The following DDAH1 variants were observed in gnomAD, a reference collection of about 807,000 sequenced individuals.
The protein encoded by DDAH1 is N(G),N(G)-dimethylarginine dimethylaminohydrolase 1.
Under a neutral mutation model 28.8 loss-of-function variants are expected in DDAH1, and 19 were observed. The observed-to-expected ratio is 0.66, with a 90% CI of 0.46 to 0.97. DDAH1 has a LOEUF of 0.97. Among genes scored for constraint, DDAH1 ranks in the 50% least tolerant of loss-of-function variants. DDAH1 has a pLI of 0.00. For synonymous variants in DDAH1, 153 were observed against 154.4 expected (o/e 0.99, Z 0.07); for missense variants, 326 against 375.9 (o/e 0.87, Z 1.10).
intron 1 of DDAH1, among the ~76,000 whole-genome samples, chr1:85,445,466 C>T (rs903612856): frequency 5.9e-5 from 9 of 152,082 alleles, no homozygotes; most frequent in East Asian, 1.9e-4. Context: ...TGAATCTGCA[C>T]GCCAGACTAT....
chr1:85,390,172 T>A (rs11161607), intron 1 of DDAH1, among the ~76,000 whole-genome samples: 1 of 152,018 alleles, frequency 6.6e-6, no homozygotes. Context: ...TCCCACCTCT[T>A]CTCTACCTTA....
At chr1:85,465,626 A>G (rs144701484), upstream of DDAH1, among the ~76,000 whole-genome samples, 51 of 152,296 alleles carry the variant, frequency 3.3e-4, no homozygotes, top group African/African-American at 1.2e-3. Flanking sequence ...CACGGGTCCC[A>G]GTTCTGTTTT....
At chr1:85,354,257 T>C (rs983910689) in intron 2 of DDAH1, among the ~76,000 whole-genome samples, 1 of 152,184 alleles carries the variant, frequency 6.6e-6, no homozygotes, top group African/African-American at 2.4e-5. Flanking sequence ...CTTCCTCTTA[T>C]AACTTAACAT....
chr1:85,524,249 G>C (rs1657785312), intron 1 of DDAH1, among the ~76,000 whole-genome samples: 2 of 147,972 alleles, frequency 1.4e-5, no homozygotes, highest in Admixed American at 1.4e-4. Context: ...CTTTACACAG[G>C]CTCCATGCTA....
chr1:85,346,641 G>A (rs574533523), intron 4 of DDAH1, among the ~76,000 whole-genome samples: 25 of 152,042 alleles, frequency 1.6e-4, no homozygotes, highest in Non-Finnish European at 3.5e-4. Context: ...GAAAAACAAA[G>A]CCAATACCAC....
At chr1:85,426,923 A>AAAG (rs1181194116) in intron 1 of DDAH1, among the ~76,000 whole-genome samples, 1 of 143,210 alleles carries the variant, frequency 7.0e-6, no homozygotes, top group Non-Finnish European at 1.5e-5. Context: ...AAAAAAAACA[A>AAAG]AAAAAAAAAA....
intron 1 of DDAH1, among the ~76,000 whole-genome samples, chr1:85,441,569 T>G (rs958344559): frequency 6.6e-6 from 1 of 151,752 alleles, no homozygotes; most frequent in African/African-American, 2.4e-5. Flanking sequence ...TGTTCAGGGA[T>G]AGAAAGTGGC....
chr1:85,512,565 T>C (rs2100752256), intron 1 of DDAH1, among the ~76,000 whole-genome samples: 1 of 152,356 alleles, frequency 6.6e-6, no homozygotes, highest in Non-Finnish European at 1.5e-5. Flanking sequence ...AAATTGTTCC[T>C]GTTTGCAGAG....
intron 1 of DDAH1, among the ~76,000 whole-genome samples, chr1:85,450,244 T>C (rs1288105397): frequency 1.3e-5 from 2 of 152,246 alleles, no homozygotes; most frequent in South Asian, 2.1e-4. Context: ...TTACTTTATG[T>C]TTTGCATGTA....
chr1:85,466,698 G>A (rs1031103537), upstream of DDAH1, among the ~76,000 whole-genome samples: 8 of 152,098 alleles, frequency 5.3e-5, no homozygotes, highest in African/African-American at 9.7e-5. Flanking sequence ...CCAGTTTAGC[G>A]TCAGAAATCA....
chr1:85,491,032 C>A (rs1182019982), intron 2 of DDAH1, among the ~76,000 whole-genome samples: 1 of 146,346 alleles, frequency 6.8e-6, no homozygotes, highest in South Asian at 2.2e-4. Context: ...CTAATGACAA[C>A]AGTAACATGT....
intron 1 of DDAH1, among the ~76,000 whole-genome samples, chr1:85,461,277 C>G (rs1281424131): frequency 6.6e-6 from 1 of 152,178 alleles, no homozygotes; most frequent in East Asian, 1.9e-4. Flanking sequence ...ACATTATTTA[C>G]TGACTTTCTG....
chr1:85,358,665 A>C (rs959068320), intron 2 of DDAH1, 83 bp downstream of exon 2: 1 of 1,125,538 alleles, frequency 8.9e-7, no homozygotes, highest in African/African-American at 1.6e-5. Context: ...AAACAAAAAA[A>C]CACAAAAAAC....
At chr1:85,392,666 G>T (rs1026912857) in intron 1 of DDAH1, among the ~76,000 whole-genome samples, 6 of 151,764 alleles carry the variant, frequency 4.0e-5, no homozygotes, top group East Asian at 1.9e-4. Context: ...GGTGGCATGT[G>T]CCTGTAATCC....
intron 1 of DDAH1, among the ~76,000 whole-genome samples, chr1:85,427,806 C>T (rs988821262): frequency 6.6e-6 from 1 of 151,430 alleles, no homozygotes; most frequent in African/African-American, 2.4e-5. Context: ...TTTTGTACCC[C>T]TCCCACCTCA....
At chr1:85,434,263 T>TAATC (rs1653832241) in intron 1 of DDAH1, among the ~76,000 whole-genome samples, 1 of 152,210 alleles carries the variant, frequency 6.6e-6, no homozygotes, top group Non-Finnish European at 1.5e-5. Context: ...TAAAAATGAT[T>TAATC]AATCAGTTGC....
intron 1 of DDAH1, among the ~76,000 whole-genome samples, chr1:85,522,826 C>T (rs1256577008): frequency 2.6e-5 from 4 of 152,070 alleles, no homozygotes; most frequent in African/African-American, 9.6e-5. Context: ...GGTGCACAGT[C>T]CCTGAAGTTG....
At chr1:85,438,060 A>G (rs998123852) in intron 1 of DDAH1, among the ~76,000 whole-genome samples, 6 of 152,222 alleles carry the variant, frequency 3.9e-5, no homozygotes, top group African/African-American at 1.4e-4. Context: ...CATTATCCTA[A>G]GTGAATTAAT....
chr1:85,536,400 A>G (rs1658278737), intron 1 of DDAH1, among the ~76,000 whole-genome samples: 1 of 151,522 alleles, frequency 6.6e-6, no homozygotes, highest in African/African-American at 2.4e-5. Context: ...TAAATATACA[A>G]AAATTAGCTG....
Sources: gnomAD v4.1 joint callset for allele counts (sites outside exome capture counted in the v4.1 genomes callset) on GRCh38, gnomAD v4.1.1 for gene constraint, MANE v1.5 for transcripts, NCBI Gene and HGNC (gene_info 2026-07-23, HGNC 2026-07-21) for gene names.